The following NRXN1 variants were observed in gnomAD, a reference collection of about 807,000 sequenced individuals.
NRXN1 encodes neurexin 1.
A neutral mutation model predicts 150.9 loss-of-function variants in NRXN1; 39 were observed. The ratio of observed to expected loss-of-function variants is 0.26; its 90% confidence interval spans 0.20 to 0.34. The LOEUF (loss-of-function observed/expected upper bound fraction) is 0.34, where lower values mean the gene tolerates loss of function less well. NRXN1 is among the 10% of genes least tolerant of loss of function. The pLI is 1.00. For missense variants in NRXN1, 1,815 were observed against 1,949.9 expected (o/e 0.93, Z 1.30); for synonymous variants, 924 against 757.0 (o/e 1.22, Z -3.62).
At chr2:50,482,613 A>C (rs1199453882) in intron 15 of NRXN1, among the ~76,000 whole-genome samples, 1 of 152,152 alleles carries the variant, frequency 6.6e-6, no homozygotes, top group Non-Finnish European at 1.5e-5. Flanking sequence ...TGCAGTTTGA[A>C]AGGTGCTTTT....
At chr2:50,322,589 T>A (rs1241443411) in intron 17 of NRXN1, among the ~76,000 whole-genome samples, 1 of 152,212 alleles carries the variant, frequency 6.6e-6, no homozygotes, top group Non-Finnish European at 1.5e-5. Flanking sequence ...GGCTAACTAA[T>A]GAGGATGAGT....
intron 8 of NRXN1, among the ~76,000 whole-genome samples, chr2:50,600,648 G>A (rs1348387930): frequency 6.6e-6 from 1 of 152,076 alleles, no homozygotes; most frequent in Non-Finnish European, 1.5e-5. Context: ...TGGGGGCAAG[G>A]AATAGTAATA....
At chr2:50,202,205 G>C (rs1434222049) in intron 18 of NRXN1, among the ~76,000 whole-genome samples, 1 of 152,090 alleles carries the variant, frequency 6.6e-6, no homozygotes, top group Non-Finnish European at 1.5e-5. Flanking sequence ...TGTATAGGAA[G>C]AATTAAAAAA....
chr2:50,508,765 C>T (rs1326361236), intron 12 of NRXN1, among the ~76,000 whole-genome samples: 1 of 152,084 alleles, frequency 6.6e-6, no homozygotes, highest in Non-Finnish European at 1.5e-5. Context: ...GGCATAAAAT[C>T]CAATTAAAAA....
chr2:50,876,226 AT>A (rs138958982), intron 5 of NRXN1, among the ~76,000 whole-genome samples: 102 of 150,230 alleles, frequency 6.8e-4, no homozygotes, highest in African/African-American at 2.3e-3. Flanking sequence ...AGAAACTAAG[AT>A]TTTTTTTTTC....
chr2:50,141,707 G>T (rs1558963063), intron 18 of NRXN1, among the ~76,000 whole-genome samples: 2 of 151,980 alleles, frequency 1.3e-5, no homozygotes, highest in Non-Finnish European at 2.9e-5. Context: ...ATGAAAAAGT[G>T]TTCAATATAA....
At chr2:50,764,263 T>G (rs1368517948) in intron 5 of NRXN1, among the ~76,000 whole-genome samples, 2 of 151,976 alleles carry the variant, frequency 1.3e-5, no homozygotes, top group Non-Finnish European at 2.9e-5. Context: ...TATATGATTA[T>G]AGTGGGGCAT....
At chr2:50,434,495 T>A (rs570466512) in intron 17 of NRXN1, among the ~76,000 whole-genome samples, 2 of 152,038 alleles carry the variant, frequency 1.3e-5, no homozygotes. Context: ...CTGAATAAGG[T>A]TTCCTGAAAG....
chr2:50,868,077 C>T (rs940923216), intron 5 of NRXN1, among the ~76,000 whole-genome samples: 1 of 146,358 alleles, frequency 6.8e-6, no homozygotes, highest in Non-Finnish European at 1.5e-5. Flanking sequence ...ATTGTTCAGG[C>T]CTAAAAAGAA....
At chr2:50,339,729 T>G (rs934632335) in intron 17 of NRXN1, among the ~76,000 whole-genome samples, 3 of 152,178 alleles carry the variant, frequency 2.0e-5, no homozygotes, top group Admixed American at 2.0e-4. Flanking sequence ...AAGTCAAATT[T>G]GAGAACAGTC....
intron 21 of NRXN1, among the ~76,000 whole-genome samples, chr2:49,990,665 G>T (rs1215359435): frequency 6.6e-6 from 1 of 152,076 alleles, no homozygotes; most frequent in Admixed American, 6.6e-5. Context: ...AATTTGGGAA[G>T]TGAAAAGCAG....
intron 2 of NRXN1, among the ~76,000 whole-genome samples, chr2:50,951,713 A>C (rs1691363812): frequency 6.6e-6 from 1 of 152,162 alleles, no homozygotes; most frequent in East Asian, 1.9e-4. Flanking sequence ...AGGTAAAAGC[A>C]GCTGCCTACC....
chr2:50,580,782 C>T (rs566844446), intron 8 of NRXN1, among the ~76,000 whole-genome samples: 1 of 152,122 alleles, frequency 6.6e-6, no homozygotes, highest in South Asian at 2.1e-4. Flanking sequence ...CCTCATAAAT[C>T]ATCTGAGCAG....
At chr2:50,873,391 T>A (rs576853000) in intron 5 of NRXN1, among the ~76,000 whole-genome samples, 70 of 151,986 alleles carry the variant, frequency 4.6e-4, no homozygotes, top group Non-Finnish European at 6.0e-4. Context: ...TAGTTACTTC[T>A]AAAGAATTTC....
chr2:50,097,071 A>G (rs1241569446), intron 18 of NRXN1, among the ~76,000 whole-genome samples: 1 of 152,226 alleles, frequency 6.6e-6, no homozygotes, highest in South Asian at 2.1e-4. Flanking sequence ...GACATGTTAC[A>G]TAAGATTTTA....
chr2:50,284,431 T>A (rs1314179066), intron 17 of NRXN1, among the ~76,000 whole-genome samples: 1 of 152,188 alleles, frequency 6.6e-6, no homozygotes, highest in Non-Finnish European at 1.5e-5. Context: ...CATCACAGCA[T>A]CCTAATTCTT....
chr2:50,448,141 T>C (rs893694271), intron 17 of NRXN1, among the ~76,000 whole-genome samples: 43 of 152,038 alleles, frequency 2.8e-4, no homozygotes, highest in African/African-American at 1.0e-3. Context: ...GAATGAATGT[T>C]CACTTTTATA....
chr2:51,016,449 G>C (rs769955591), intron 2 of NRXN1, among the ~76,000 whole-genome samples: 22 of 152,142 alleles, frequency 1.4e-4, no homozygotes, highest in Non-Finnish European at 2.6e-4. Context: ...TGAAGGATAT[G>C]AACAGACACT....
intron 5 of NRXN1, among the ~76,000 whole-genome samples, chr2:50,905,589 T>C (rs1435865062): frequency 6.6e-6 from 1 of 152,068 alleles, no homozygotes; most frequent in Non-Finnish European, 1.5e-5. Context: ...CTTGAAGCTG[T>C]TCCAATATTT....
Sources: allele counts gnomAD v4.1 joint callset (sites outside exome capture counted in the v4.1 genomes callset), GRCh38; gene constraint gnomAD v4.1.1; transcripts MANE v1.5; gene names NCBI Gene and HGNC (gene_info 2026-07-23, HGNC 2026-07-21).